The following ZNF804A variants were observed in gnomAD, a reference collection of about 807,000 sequenced individuals.
ZNF804A encodes the protein zinc finger protein 804A.
ZNF804A carries 2 observed loss-of-function variants against 16.5 expected under a neutral mutation model. The observed-to-expected ratio is 0.12, with a 90% CI of 0.05 to 0.38. The LOEUF (loss-of-function observed/expected upper bound fraction) is 0.38. Ranked by LOEUF, ZNF804A falls within the 10% of genes least tolerant of loss-of-function variation. The pLI, the probability that ZNF804A is intolerant of heterozygous loss-of-function variation, is 0.99. For synonymous variants in ZNF804A, 534 were observed against 489.6 expected, an observed-to-expected ratio of 1.09 and a Z score of -1.20; for missense variants, 1,473 against 1,390.7, an observed-to-expected ratio of 1.06 and a Z score of -0.94.
At chr2:184,770,900 G>A (rs1694201872) in intron 1 of ZNF804A, among the ~76,000 whole-genome samples, 2 of 151,858 alleles carry the variant, frequency 1.3e-5, no homozygotes, top group Admixed American at 6.6e-5. Context: ...TTGTCTATAG[G>A]TATATTCAAT....
At chr2:184,770,631 G>C (rs373659974) in intron 1 of ZNF804A, among the ~76,000 whole-genome samples, 1 of 148,286 alleles carries the variant, frequency 6.7e-6, no homozygotes, top group East Asian at 1.9e-4. Context: ...AGAAAATGTT[G>C]GTCTTAGTAG....
At chr2:184,784,666 T>G (rs565520670) in intron 1 of ZNF804A, among the ~76,000 whole-genome samples, 1 of 152,100 alleles carries the variant, frequency 6.6e-6, no homozygotes, top group African/African-American at 2.4e-5. Context: ...AGTTGTCTTT[T>G]TGTGTGTGTG....
chr2:184,681,899 C>T (rs1380271144), intron 1 of ZNF804A, among the ~76,000 whole-genome samples: 2 of 152,242 alleles, frequency 1.3e-5, no homozygotes, highest in Non-Finnish European at 2.9e-5. Flanking sequence ...GCTCTCGCTC[C>T]CTGGCCTCTA....
At chr2:184,788,227 T>C (rs905044368) in intron 1 of ZNF804A, among the ~76,000 whole-genome samples, 2 of 152,062 alleles carry the variant, frequency 1.3e-5, no homozygotes, top group Admixed American at 6.6e-5. Flanking sequence ...TACCACGCTG[T>C]TTTTGTTACT....
chr2:184,677,072 AC>A (rs1416210543), intron 1 of ZNF804A, among the ~76,000 whole-genome samples: 3 of 151,878 alleles, frequency 2.0e-5, no homozygotes, highest in South Asian at 2.1e-4. Context: ...AAGAAAAAAA[AC>A]ATTTATTTTT....
intron 2 of ZNF804A, among the ~76,000 whole-genome samples, chr2:184,895,617 T>G (rs917102875): frequency 1.3e-5 from 2 of 152,214 alleles, no homozygotes; most frequent in African/African-American, 2.4e-5. Context: ...GTGCCTAATC[T>G]TTCCCAGAAG....
intron 1 of ZNF804A, among the ~76,000 whole-genome samples, chr2:184,831,959 G>A (rs1695267494): frequency 6.6e-6 from 1 of 151,902 alleles, no homozygotes; most frequent in Non-Finnish European, 1.5e-5. Context: ...GAGTGGAAAC[G>A]AGTTTTTCTC....
chr2:184,706,166 G>A (rs1384149558), intron 1 of ZNF804A, among the ~76,000 whole-genome samples: 42 of 152,090 alleles, frequency 2.8e-4, no homozygotes, highest in Non-Finnish European at 2.9e-5. Flanking sequence ...AGCCAAACCA[G>A]TGGATACAGC....
intron 2 of ZNF804A, among the ~76,000 whole-genome samples, chr2:184,929,636 A>G (rs1267359761): frequency 6.6e-6 from 1 of 152,160 alleles, no homozygotes; most frequent in Non-Finnish European, 1.5e-5. Context: ...TACTTCTTGG[A>G]ATAAAACTAT....
intron 1 of ZNF804A, among the ~76,000 whole-genome samples, chr2:184,716,540 G>A (rs1046304269): frequency 4.6e-5 from 7 of 152,118 alleles, no homozygotes; most frequent in African/African-American, 1.7e-4. Flanking sequence ...TGGCAGTAAT[G>A]TGCTCACGAT....
At chr2:184,662,254 T>A (rs1692186146) in intron 1 of ZNF804A, among the ~76,000 whole-genome samples, 1 of 152,196 alleles carries the variant, frequency 6.6e-6, no homozygotes, top group Admixed American at 6.5e-5. Flanking sequence ...TACGTTCGTT[T>A]TGTATTTTCC....
At chr2:184,924,080 G>C (rs1574272792) in intron 2 of ZNF804A, among the ~76,000 whole-genome samples, 1 of 150,878 alleles carries the variant, frequency 6.6e-6, no homozygotes, top group Non-Finnish European at 1.5e-5. Context: ...AGGGCAATAC[G>C]GTCTTATAGG....
intron 2 of ZNF804A, among the ~76,000 whole-genome samples, chr2:184,884,008 A>G (rs1684850490): frequency 6.6e-6 from 1 of 152,168 alleles, no homozygotes; most frequent in East Asian, 1.9e-4. Context: ...CAAAAGAGAA[A>G]GTCAAACTAT....
intron 1 of ZNF804A, among the ~76,000 whole-genome samples, chr2:184,635,732 C>T (rs2105689479): frequency 6.6e-6 from 1 of 152,238 alleles, no homozygotes; most frequent in East Asian, 1.9e-4. Flanking sequence ...CTATCTCACA[C>T]ATCGTGATTA....
chr2:184,700,132 T>C (rs1692896962), intron 1 of ZNF804A, among the ~76,000 whole-genome samples: 1 of 152,128 alleles, frequency 6.6e-6, no homozygotes, highest in Non-Finnish European at 1.5e-5. Context: ...ATAACATTAA[T>C]ATTCTAAAGT....
At chr2:184,610,579 A>C (rs949467546) in intron 1 of ZNF804A, among the ~76,000 whole-genome samples, 5 of 152,146 alleles carry the variant, frequency 3.3e-5, no homozygotes, top group African/African-American at 1.2e-4. Flanking sequence ...GTTTAGTAAA[A>C]ATGTCTCAAG....
chr2:184,623,949 C>G (rs72897742), intron 1 of ZNF804A, among the ~76,000 whole-genome samples: 1 of 152,054 alleles, frequency 6.6e-6, no homozygotes, highest in Non-Finnish European at 1.5e-5. Context: ...ATTCAAGATA[C>G]TTCTGGAATA....
At chr2:184,933,772 G>T in intron 3 of ZNF804A, 39 bp downstream of exon 3, 2 of 1,579,818 alleles carry the variant, frequency 1.3e-6, no homozygotes, top group South Asian at 2.4e-5. Flanking sequence ...CTTAAAACAT[G>T]ACCAAAAAAG....
intron 1 of ZNF804A, among the ~76,000 whole-genome samples, chr2:184,735,693 G>A (rs1049855234): frequency 2.6e-5 from 4 of 152,158 alleles, no homozygotes; most frequent in African/African-American, 9.7e-5. Flanking sequence ...TAGTGTCAGA[G>A]AAATTGCTCT....
Sources: gnomAD v4.1 joint callset for allele counts (sites outside exome capture counted in the v4.1 genomes callset) on GRCh38, gnomAD v4.1.1 for gene constraint, MANE v1.5 for transcripts, NCBI Gene and HGNC (gene_info 2026-07-23, HGNC 2026-07-21) for gene names.